EFCAB7: variants seen among roughly 807,000 people sequenced by gnomAD.
EFCAB7 encodes the protein EF-hand calcium binding domain 7.
Under a neutral mutation model 77.1 loss-of-function variants are expected in EFCAB7, and 66 were observed. The observed-to-expected ratio is 0.86, with a 90% CI of 0.70 to 1.05. The LOEUF is 1.05. Among genes scored for constraint, EFCAB7 ranks in the 50% least tolerant of loss-of-function variants. The pLI is 0.00. For synonymous variants in EFCAB7, 225 were observed against 243.3 expected (o/e 0.92, Z 0.70); for missense variants, 638 against 730.5 (o/e 0.87, Z 1.46).
At chr1:63,566,432 C>A (rs997713130) in intron 11 of EFCAB7, among the ~76,000 whole-genome samples, 31 of 152,126 alleles carry the variant, frequency 2.0e-4, no homozygotes, top group Non-Finnish European at 2.9e-4. Context: ...AATAATCTTA[C>A]AACAAACTCC....
chr1:63,560,680 T>TA (rs1482669351), intron 10 of EFCAB7, among the ~76,000 whole-genome samples: 1 of 152,060 alleles, frequency 6.6e-6, no homozygotes, highest in African/African-American at 2.4e-5. Context: ...CATGCCGGGC[T>TA]AATTTTATTT....
chr1:63,573,539 G>A (rs1170056630), downstream of EFCAB7, among the ~76,000 whole-genome samples: 2 of 152,148 alleles, frequency 1.3e-5, no homozygotes, highest in Non-Finnish European at 2.9e-5. Context: ...GGCCGTTTGG[G>A]GATAGCACCA....
At position 63,555,419 on chromosome 1, in the gene EFCAB7, G is replaced by A; in HGVS notation, c.1118G>A (p.Gly373Asp). Residue 373 changes from glycine (G) to aspartate (D), a missense_variant, in exon 9 of 14, where the codon GGC (glycine) becomes GAC (aspartate). By Grantham distance (94) the Gly-to-Asp change is moderately conservative. Transcript: ENST00000371088. ...TACTGGTTAATTCCTTCCACAACTGGCTGTAGGCTGAGGAAAAAAATAAAA... is the reference window on the plus strand; with the variant it reads ...TACTGGTTAATTCCTTCCACAACTGACTGTAGGCTGAGGAAAAAAATAAAA... The part of the protein sequence containing the change: ...GIYWLIPSTT[G>D]CRLRKKIKPV... The A allele has an allele frequency of 6.2e-7, 1 of 1,613,964 alleles. No individual in the cohort carries two copies. Among genetic ancestry groups the A allele is most frequent in the Non-Finnish European group, 8.5e-7 (1 of 1,179,918 alleles).
intron 13 of EFCAB7, among the ~76,000 whole-genome samples, chr1:63,571,670 C>CAAAAAAAA (rs10605515): frequency 7.7e-5 from 5 of 65,336 alleles, no homozygotes; most frequent in South Asian, 6.8e-4. Flanking sequence ...GACTCTGTCT[C>CAAAAAAAA]AAAAAAAAAA....
intron 11 of EFCAB7, among the ~76,000 whole-genome samples, chr1:63,563,895 C>T (rs1316043653): frequency 6.6e-6 from 1 of 152,104 alleles, no homozygotes; most frequent in Admixed American, 6.6e-5. Context: ...CCCCTATATA[C>T]TGTAATTGAA....
At chr1:63,534,056 T>G (rs780102569) in intron 5 of EFCAB7, 39 bp from the exon 6 acceptor site, 50 of 1,609,066 alleles carry the variant, frequency 3.1e-5, no homozygotes, top group Non-Finnish European at 4.0e-5. Flanking sequence ...ATTGACAACT[T>G]TTCATAATGT....
At chr1:63,545,728 A>G (rs886250936) in intron 6 of EFCAB7, among the ~76,000 whole-genome samples, 188 bp from the exon 7 acceptor site, 3 of 152,234 alleles carry the variant, frequency 2.0e-5, no homozygotes, top group African/African-American at 7.2e-5. Context: ...GGCGTGAGCC[A>G]CCATGCCCTG....
At chr1:63,574,172 G>A (rs1351039157), downstream of EFCAB7, among the ~76,000 whole-genome samples, 2 of 151,966 alleles carry the variant, frequency 1.3e-5, no homozygotes, top group Admixed American at 6.5e-5. Context: ...AGCTTGATGT[G>A]TAGGGAAGGG....
At chr1:63,539,587 CT>C (rs1242512895) in intron 6 of EFCAB7, among the ~76,000 whole-genome samples, 1 of 152,150 alleles carries the variant, frequency 6.6e-6, no homozygotes, top group Non-Finnish European at 1.5e-5. Flanking sequence ...GGTTCTAGTT[CT>C]GCAGTCAATT....
intron 6 of EFCAB7, among the ~76,000 whole-genome samples, chr1:63,539,409 G>A (rs1467490365): frequency 1.3e-5 from 2 of 152,088 alleles, no homozygotes; most frequent in Non-Finnish European, 2.9e-5. Context: ...ACCCTTAAAA[G>A]TATGGAATCC....
At chr1:63,577,926 A>C in the EFCAB7 span, among the ~76,000 whole-genome samples, 512 of 152,284 alleles carry the variant, frequency 3.4e-3, 1 homozygote, top group Middle Eastern at 6.8e-3. Context: ...TAGTGCTTTG[A>C]TTTGTTTTTA....
In EFCAB7 at chr1:63,568,475, A is replaced by G; in HGVS notation, c.1663A>G (p.Thr555Ala). 6.3e-7 allele frequency: 1 copy of G among 1,596,690 alleles called. No homozygotes were observed. Among genetic ancestry groups the G allele is most frequent in the Non-Finnish European group, 8.5e-7 (1 of 1,174,488 alleles). ...TGGCTATGAAAATATAATCGTGCAT[A>G]CTTACAGTTGTGACACCTGGATAAC... ...MDGYENIIVH[T>A]YSCDTWITSV... Residue 555 changes from threonine (T) to alanine (A), a missense_variant, in exon 12 of 14, where the codon ACT becomes GCT. By Grantham distance (58) the Thr-to-Ala change is moderately conservative. Coordinates refer to ENST00000371088, the MANE Select transcript of EFCAB7 (RefSeq NM_032437.4).
intron 12 of EFCAB7, chr1:63,570,151 T>C (rs1167303822): frequency 6.6e-6 from 1 of 152,216 alleles, no homozygotes; most frequent in African/African-American, 2.4e-5. Flanking sequence ...GTTAAATAAC[T>C]TGCAAATGAT....
rs1646704471 is a variant in EFCAB7 at position 63,532,071 on chromosome 1, T to C, written c.399+40T>C. Reference sequence around the variant, plus strand: ...ACTGTTTTGTAATGTGCATATTTTCTAAAACAGCTTGGAATCTAGCTTTGA... The same window carrying C: ...ACTGTTTTGTAATGTGCATATTTTCCAAAACAGCTTGGAATCTAGCTTTGA... On this transcript the variant is annotated intron_variant, in intron 3 of 13. Coordinates refer to ENST00000371088, the MANE Select transcript of EFCAB7 (RefSeq NM_032437.4). The C allele has an allele frequency of 2.0e-6, 3 of 1,488,420 alleles. No homozygotes were observed. In the African/African-American group the frequency reaches 4.2e-5, roughly 21 times the overall value. The allele number at this position is 1,488,420 out of a possible 1,614,324, so 92.2% of individuals were successfully genotyped here.
At chr1:63,569,446 C>G (rs1458141160) in intron 12 of EFCAB7, 1 of 152,082 alleles carries the variant, frequency 6.6e-6, no homozygotes, top group Non-Finnish European at 1.5e-5. Context: ...TTCTGTTTCT[C>G]TTGTAGTTGT....
chr1:63,545,879 T>C, intron 6 of EFCAB7, 37 bp from the exon 7 acceptor site: 1 of 1,579,990 alleles, frequency 6.3e-7, no homozygotes, highest in Non-Finnish European at 8.7e-7. Flanking sequence ...AAACATTTAA[T>C]AAATATTGTT....
At chr1:63,545,571 A>G (rs1646887553) in intron 6 of EFCAB7, among the ~76,000 whole-genome samples, 1 of 152,118 alleles carries the variant, frequency 6.6e-6, no homozygotes, top group African/African-American at 2.4e-5. Context: ...GGTTCACGCA[A>G]TTCTCCTGCC....
At position 63,568,437 on chromosome 1, in the gene EFCAB7, C is replaced by T. The variant is rs1647194514; in HGVS notation, c.1625C>T (p.Ala542Val). 1 of 1,588,754 alleles carries T rather than the reference C, an allele frequency of 6.3e-7. No homozygotes were observed. Among genetic ancestry groups the T allele is most frequent in the Non-Finnish European group, 8.5e-7 (1 of 1,169,676 alleles). The change falls in exon 12 of 14, where the codon GCC becomes GTC. Residue 542 changes from alanine to valine, a missense_variant. Ala to Val is a moderately conservative substitution (Grantham distance 64). Transcript: ENST00000371088. ...ICKSVLSNGDAKVMDGYENII... is the reference protein window; with the variant it reads ...ICKSVLSNGDVKVMDGYENII... ...AAATCTGTTCTTAGCAACGGTGATG[C>T]CAAAGTAATGGATGGCTATGAAAAT...
chr1:63,527,234 A>AGGTGCTATCAATCTTATGAAATT (rs1263721460), intron 2 of EFCAB7, among the ~76,000 whole-genome samples: 1 of 152,240 alleles, frequency 6.6e-6, no homozygotes, highest in African/African-American at 2.4e-5. Flanking sequence ...TGTATTACTA[A>AGGTGCTATCAATCTTATGAAATT]GGTGCTATCA....
Sources: gnomAD v4.1 joint callset for allele counts (sites outside exome capture counted in the v4.1 genomes callset) on GRCh38, gnomAD v4.1.1 for gene constraint, MANE v1.5 for transcripts, NCBI Gene and HGNC (gene_info 2026-07-23, HGNC 2026-07-21) for gene names.